Variants in PPFIA3 observed in about 807,000 individuals in gnomAD.
PPFIA3 encodes the protein PPFI scaffold protein A3.
PPFIA3 carries 26 observed loss-of-function variants against 145.8 expected under a neutral mutation model. The ratio of observed to expected loss-of-function variants is 0.18; its 90% CI spans 0.13 to 0.25. The LOEUF is 0.25. Ranked by LOEUF, PPFIA3 falls within the 10% of genes least tolerant of loss-of-function variation. The probability of loss-of-function intolerance (pLI) is 1.00; values close to 1 mark genes in which losing one functional copy is unlikely to be tolerated. For missense variants in PPFIA3, 1,008 were observed against 1,587.8 expected, an observed-to-expected ratio of 0.63 and a Z score of 6.21; for synonymous variants, 645 against 661.4, an observed-to-expected ratio of 0.98 and a Z score of 0.38.
rs141575518 is a variant in PPFIA3, at chr19:49,143,238, T to C, written c.2745+234T>C. On this transcript the variant is annotated intron_variant, in intron 21 of 29. Coordinates refer to ENST00000334186, the MANE Select transcript of PPFIA3 (RefSeq NM_003660.4). ...CTGACTCTCTCCCTCTCCTCGGCAT[T>C]TGCTGTCCCACTCAAATGTCACCAC... 1.9e-3 allele frequency among the ~76,000 whole-genome samples: 293 copies of C among 152,350 alleles called. 5 individuals are homozygous for C. The East Asian group carries it at 0.044, about 23-fold the overall frequency.
Position 49,150,144 on chromosome 19 carries a change from G to A in PPFIA3, c.*6G>A, listed in dbSNP as rs1464306731. 1.9e-6 allele frequency: 3 copies of A among 1,608,060 alleles called. No individual in the cohort carries two copies. Among genetic ancestry groups the A allele is most frequent in the Non-Finnish European group, 2.5e-6 (3 of 1,177,784 alleles). On this transcript the variant is annotated 3_prime_UTR_variant, in exon 29 of 30. Coordinates refer to ENST00000334186, the MANE Select transcript of PPFIA3 (RefSeq NM_003660.4). ...TCCGGACCTATTCCTGCTAGTGCAGGCCTCCAGGTGAGGACCGTGCTGGGC... is the reference window on the plus strand; with the variant it reads ...TCCGGACCTATTCCTGCTAGTGCAGACCTCCAGGTGAGGACCGTGCTGGGC...
At chr19:49,132,977 CG>C in intron 7 of PPFIA3, 23 bp from the exon 8 acceptor site, 1 of 1,604,604 alleles carries the variant, frequency 6.2e-7, no homozygotes, top group Non-Finnish European at 8.5e-7. Flanking sequence ...TCGCAGTCCA[CG>C]GGGCCCTTTG....
Position 49,129,473 on chromosome 19 carries a change from C to G in PPFIA3, c.582+19C>G, listed in dbSNP as rs1159240081. On this transcript the variant is annotated intron_variant, in intron 5 of 29. Transcript: ENST00000334186. The stretch of plus-strand genomic sequence containing the variant: ...TCAGGAGGTGTGGGTGTGGCCAAGA[C>G]AGGGAATTTGAATCCAAGGGGAGGG... 2 of 1,551,382 alleles carry G rather than the reference C, an allele frequency of 1.3e-6. No individual in the cohort carries two copies. The highest frequency in any genetic ancestry group is 3.9e-5 in the Admixed American group (2 of 51,030).
At chr19:49,124,322 G>C (rs931381161) in intron 1 of PPFIA3, among the ~76,000 whole-genome samples, 7 of 151,888 alleles carry the variant, frequency 4.6e-5, no homozygotes, top group Admixed American at 1.3e-4. Context: ...GCCTCCCATA[G>C]TGCTGGGATT....
rs2041313004 is a variant in PPFIA3, at chr19:49,149,194, T to G, written c.3285+26T>G. 1 of 1,613,844 alleles carries G rather than the reference T, an allele frequency of 6.2e-7. No homozygotes were observed. The highest frequency in any genetic ancestry group is 8.5e-7 in the Non-Finnish European group (1 of 1,179,872). On this transcript the variant is annotated intron_variant, in intron 26 of 29. Transcript: ENST00000334186. The surrounding 1 kb of genome is among the most constrained non-coding windows in gnomAD (Gnocchi z 5.7). Reference sequence around the variant, plus strand: ...GTGAGCTGCCGCTGGGCCCGGAGCATGCTGGGCGTCCCCACCTCGCAGACT... The same window carrying G: ...GTGAGCTGCCGCTGGGCCCGGAGCAGGCTGGGCGTCCCCACCTCGCAGACT...
At chr19:49,126,243 C>T (rs947292622) in intron 1 of PPFIA3, among the ~76,000 whole-genome samples, 1 of 151,440 alleles carries the variant, frequency 6.6e-6, no homozygotes, top group Non-Finnish European at 1.5e-5. Flanking sequence ...CCACCTTGCC[C>T]GGCCGTTACT....
At position 49,139,538 on chromosome 19, in the gene PPFIA3, A is replaced by G. The variant is rs558436954; in HGVS notation, c.2077-130A>G. 6.0e-6 allele frequency: 5 copies of G among 836,284 alleles called. No individual in the cohort carries two copies. In the African/African-American group the frequency reaches 7.0e-5, roughly 12 times the overall value. The allele number at this position is 836,284 out of a possible 1,614,324, so 51.8% of individuals were successfully genotyped here. ...TCTGCAACTCACCCTGACTTGAGCTAGACTACCTTCGTATACTGTGTTCTA... is the reference window on the plus strand; with the variant it reads ...TCTGCAACTCACCCTGACTTGAGCTGGACTACCTTCGTATACTGTGTTCTA... On this transcript the variant is annotated intron_variant, in intron 16 of 29. Transcript: ENST00000334186.
intron 23 of PPFIA3, among the ~76,000 whole-genome samples, chr19:49,147,500 A>T (rs1268468419): frequency 1.3e-5 from 2 of 152,098 alleles, no homozygotes; most frequent in East Asian, 3.9e-4. Context: ...AGCCTGGCCA[A>T]CATGGTGAAA....
intron 21 of PPFIA3, among the ~76,000 whole-genome samples, chr19:49,143,574 C>T (rs4802571): frequency 0.65 from 99,501 of 151,960 alleles, 34,198 homozygotes; most frequent in African/African-American, 0.85. Flanking sequence ...GGTTTTGACA[C>T]GTTGGCCAGA....
At position 49,128,220 on chromosome 19, in the gene PPFIA3, G is replaced by A. The variant is rs1355900519; in HGVS notation, c.240+107G>A. 6.7e-6 allele frequency: 10 copies of A among 1,486,306 alleles called. No homozygotes were observed. Among genetic ancestry groups the A allele is most frequent in the African/African-American group, 1.4e-5 (1 of 72,414 alleles). 92.1% of individuals were successfully genotyped at this position (1,486,306 alleles called of 1,614,324 possible). On this transcript the variant is annotated intron_variant, in intron 2 of 29. Coordinates refer to ENST00000334186, the MANE Select transcript of PPFIA3 (RefSeq NM_003660.4). This position sits in a 1 kb window ranked among gnomAD's most constrained non-coding sequence, Gnocchi z 4.1. ...CCTGGAAGGGAGGAGTCTGGGCGAG[G>A]CTTGCCGTTAATGGGCGGGGCCTGA...
At chr19:49,134,434 C>A (rs1203234802) in intron 11 of PPFIA3, among the ~76,000 whole-genome samples, 1 of 152,184 alleles carries the variant, frequency 6.6e-6, no homozygotes, top group Non-Finnish European at 1.5e-5. Context: ...AACCCTGAAC[C>A]CTCTGAGATT....
In PPFIA3 at chr19:49,149,192, C is replaced by A. The variant is rs1252202534; in HGVS notation, c.3285+24C>A. On this transcript the variant is annotated intron_variant, in intron 26 of 29. Transcript: ENST00000334186. This position sits in a 1 kb window ranked among gnomAD's most constrained non-coding sequence, Gnocchi z 5.7. ...AGGTGAGCTGCCGCTGGGCCCGGAG[C>A]ATGCTGGGCGTCCCCACCTCGCAGA... 2.5e-6 allele frequency: 4 copies of A among 1,613,698 alleles called. No individual in the cohort carries two copies. The highest frequency in any genetic ancestry group is 2.5e-6 in the Non-Finnish European group (3 of 1,179,858).
rs189821755 is a variant in PPFIA3 at position 49,130,107 on chromosome 19, C to T, written c.657+40C>T. On this transcript the variant is annotated intron_variant, in intron 6 of 29. Transcript: ENST00000334186. The surrounding 1 kb of genome is among the most constrained non-coding windows in gnomAD (Gnocchi z 4.5). ...TCCCCTCTCCGTGAGCTCCATTCAACTCCCTGACTTTGTGATAGTGTTTGT... is the reference window on the plus strand; with the variant it reads ...TCCCCTCTCCGTGAGCTCCATTCAATTCCCTGACTTTGTGATAGTGTTTGT... 2.0e-5 allele frequency: 32 copies of T among 1,574,996 alleles called. No homozygotes were observed. Among genetic ancestry groups the T allele is most frequent in the Non-Finnish European group, 1.4e-5 (16 of 1,154,152 alleles).
intron 1 of PPFIA3, among the ~76,000 whole-genome samples, chr19:49,124,748 G>A (rs961847623): frequency 2.0e-5 from 3 of 152,034 alleles, no homozygotes; most frequent in Non-Finnish European, 2.9e-5. Flanking sequence ...GTGTTGCATC[G>A]TCAGAGTGGG....
At chr19:49,129,294 C>T (rs1264495346) in intron 4 of PPFIA3, 86 bp from the exon 5 acceptor site, 4 of 1,384,700 alleles carry the variant, frequency 2.9e-6, no homozygotes, top group Admixed American at 2.3e-5. Flanking sequence ...CCTATCGGAT[C>T]CGTCCCAGGG....
Position 49,128,615 on chromosome 19 carries a change from T to G in PPFIA3, c.342+147T>G. ...TCTCCTCTTCCCTGCTCCCACTTCCTGGCTGGTCTCCCACTCTGGTGCCAC... is the reference window on the plus strand; with the variant it reads ...TCTCCTCTTCCCTGCTCCCACTTCCGGGCTGGTCTCCCACTCTGGTGCCAC... On this transcript the variant is annotated intron_variant, in intron 3 of 29. Transcript: ENST00000334186. The surrounding 1 kb of genome is among the most constrained non-coding windows in gnomAD (Gnocchi z 4.1). 1.2e-6 allele frequency: 1 copy of G among 817,404 alleles called. No individual in the cohort carries two copies. Among genetic ancestry groups the G allele is most frequent in the Non-Finnish European group, 1.9e-6 (1 of 515,052 alleles). 50.6% of individuals were successfully genotyped at this position (817,404 alleles called of 1,614,324 possible).
At position 49,150,265 on chromosome 19, in the gene PPFIA3, C is replaced by G. The variant is rs928578286; in HGVS notation, c.*43C>G. On this transcript the variant is annotated 3_prime_UTR_variant, in exon 30 of 30. Coordinates refer to ENST00000334186, the MANE Select transcript of PPFIA3 (RefSeq NM_003660.4). ...CCTCACTCGGACGGAAGAATCTTCCCGAGGCTGGGCTGTTCCCTCTCCTGC... is the reference window on the plus strand; with the variant it reads ...CCTCACTCGGACGGAAGAATCTTCCGGAGGCTGGGCTGTTCCCTCTCCTGC... 9.9e-7 allele frequency: 1 copy of G among 1,013,862 alleles called. No individual in the cohort carries two copies. The highest frequency in any genetic ancestry group is 1.6e-5 in the South Asian group (1 of 63,742). 62.8% of individuals were successfully genotyped at this position (1,013,862 alleles called of 1,614,324 possible).
rs779261326 is a variant in PPFIA3 at position 49,120,992 on chromosome 19, G to C, written c.-16+1270G>C. Among the ~76,000 whole-genome samples, 2 of 152,136 alleles carry C rather than the reference G, an allele frequency of 1.3e-5. No homozygotes were observed. Among genetic ancestry groups the C allele is most frequent in the Non-Finnish European group, 2.9e-5 (2 of 68,028 alleles). On this transcript the variant is annotated intron_variant, in intron 1 of 29. Coordinates refer to ENST00000334186, the MANE Select transcript of PPFIA3 (RefSeq NM_003660.4). This position sits in a 1 kb window ranked among gnomAD's most constrained non-coding sequence, Gnocchi z 4.6. The stretch of plus-strand genomic sequence containing the variant: ...TCTAGTTTCTCAGGTCTCACTTTTA[G>C]GAACCAGGTCTTCACAGCCTCATCA...
Position 49,149,584 on chromosome 19 carries a change from G to A in PPFIA3, c.3392G>A (p.Arg1131Gln), listed in dbSNP as rs1568443118. 6.2e-7 allele frequency: 1 copy of A among 1,614,206 alleles called. No homozygotes were observed. Among genetic ancestry groups the A allele is most frequent in the Admixed American group, 1.7e-5 (1 of 60,024 alleles). ...AKSFSRSPSW[R>Q]KMFREKDLRG... ...TCTTTCAGCCGCTCCCCATCCTGGC[G>A]GAAGATGTTCCGGGAGAAGGACCTC... Residue 1131 changes from arginine (R) to glutamine (Q), a missense_variant, in exon 28 of 30, where the codon CGG becomes CAG. By Grantham distance (43) the Arg-to-Gln change is conservative. Transcript: ENST00000334186. This position sits in a 1 kb window ranked among gnomAD's most constrained non-coding sequence, Gnocchi z 5.7.
Sources: allele counts gnomAD v4.1 joint callset (sites outside exome capture counted in the v4.1 genomes callset), GRCh38; gene constraint gnomAD v4.1.1; non-coding constraint Gnocchi (gnomAD v3.1); transcripts MANE v1.5; gene names NCBI Gene and HGNC (gene_info 2026-07-23, HGNC 2026-07-21).